The following TNFAIP8 variants were observed in gnomAD, a reference collection of about 807,000 sequenced individuals.
The protein encoded by TNFAIP8 is TNF alpha induced protein 8.
Under a neutral mutation model 13.3 loss-of-function variants are expected in TNFAIP8, and 7 were observed. The ratio of observed to expected loss-of-function variants is 0.52; its 90% CI spans 0.30 to 0.99. The LOEUF is 0.99. TNFAIP8 is among the 50% of genes least tolerant of loss of function. The pLI, the probability that TNFAIP8 is intolerant of heterozygous loss-of-function variation, is 0.07. For synonymous variants in TNFAIP8, 94 were observed against 87.6 expected (o/e 1.07, Z -0.41); for missense variants, 258 against 236.9 (o/e 1.09, Z -0.58).
intron 1 of TNFAIP8, among the ~76,000 whole-genome samples, chr5:119,344,612 T>A (rs1750841254): frequency 1.3e-5 from 2 of 152,192 alleles, no homozygotes; most frequent in Non-Finnish European, 2.9e-5. Context: ...TCAGTGAGCA[T>A]TTGAATTTTC....
At chr5:119,270,871 A>G (rs1000253649) in intron 1 of TNFAIP8, among the ~76,000 whole-genome samples, 4 of 152,232 alleles carry the variant, frequency 2.6e-5, no homozygotes, top group Non-Finnish European at 5.9e-5. Flanking sequence ...GGTTCTACCA[A>G]AAGCATAGTG....
At chr5:119,367,750 G>A (rs947400989) in intron 1 of TNFAIP8, among the ~76,000 whole-genome samples, 1 of 152,108 alleles carries the variant, frequency 6.6e-6, no homozygotes, top group African/African-American at 2.4e-5. Context: ...AAAATAAAGC[G>A]GGGATTTCTG....
At chr5:119,286,565 A>C (rs898306364) in intron 1 of TNFAIP8, among the ~76,000 whole-genome samples, 3 of 151,296 alleles carry the variant, frequency 2.0e-5, no homozygotes, top group African/African-American at 7.3e-5. Context: ...GAGCTTGCAG[A>C]GAGCCAAGAA....
chr5:119,393,323 C>T lies in TNFAIP8; in HGVS notation c.539C>T (p.Pro180Leu). Residue 180 changes from proline to leucine, a missense_variant, in exon 2 of 2, where the codon CCC becomes CTC. Coordinates refer to ENST00000504771, the MANE Select transcript of TNFAIP8 (RefSeq NM_014350.4). ...TATAATCCTTTTGGGAATTTTAAACCCCACTTACAAAAACTATGTGATGGT... is the reference window on the plus strand; with the variant it reads ...TATAATCCTTTTGGGAATTTTAAACTCCACTTACAAAAACTATGTGATGGT... Reference protein sequence around the residue: ...ALYNPFGNFKPHLQKLCDGIN... With the variant: ...ALYNPFGNFKLHLQKLCDGIN... 1 of 1,613,776 alleles carries T rather than the reference C, an allele frequency of 6.2e-7. No homozygotes were observed. Among genetic ancestry groups the T allele is most frequent in the Non-Finnish European group, 8.5e-7 (1 of 1,179,840 alleles).
chr5:119,349,659 T>TA (rs1211417018), intron 1 of TNFAIP8, among the ~76,000 whole-genome samples: 4 of 152,012 alleles, frequency 2.6e-5, no homozygotes, highest in African/African-American at 7.2e-5. Flanking sequence ...ACTTTTGATT[T>TA]AAAAAAAAGA....
intron 1 of TNFAIP8, among the ~76,000 whole-genome samples, chr5:119,349,650 C>A (rs143210067): frequency 1.6e-3 from 241 of 152,242 alleles, no homozygotes; most frequent in African/African-American, 5.4e-3. Context: ...CCTTACTGAA[C>A]TTTTGATTTA....
chr5:119,268,988 G>C (rs1432444721), intron 1 of TNFAIP8: 2 of 634,582 alleles, frequency 3.2e-6, no homozygotes, highest in African/African-American at 3.8e-5. Context: ...TGCTCTCGGG[G>C]AGCGCCTCCG....
intron 1 of TNFAIP8, among the ~76,000 whole-genome samples, chr5:119,375,146 AATTGCT>A (rs1261279538): frequency 1.3e-5 from 2 of 152,176 alleles, no homozygotes; most frequent in Admixed American, 6.5e-5. Flanking sequence ...CAAATGGAGG[AATTGCT>A]ATTTGCTGCT....
chr5:119,355,747 G>A (rs935976199), upstream of TNFAIP8: 6 of 256,714 alleles, frequency 2.3e-5, no homozygotes, highest in Non-Finnish European at 4.2e-5. Flanking sequence ...TCTCGGCCCT[G>A]TGTCTCGGGA....
At chr5:119,387,200 G>C (rs146949755) in intron 1 of TNFAIP8, among the ~76,000 whole-genome samples, 29 of 152,218 alleles carry the variant, frequency 1.9e-4, no homozygotes, top group Non-Finnish European at 1.5e-4. Flanking sequence ...AGGGTTCGTT[G>C]TTTGTTCTGG....
intron 1 of TNFAIP8, among the ~76,000 whole-genome samples, chr5:119,387,104 A>G (rs1235755883): frequency 6.6e-6 from 1 of 151,786 alleles, no homozygotes; most frequent in Non-Finnish European, 1.5e-5. Flanking sequence ...ATCACTAGCT[A>G]CTCCGAGCGT....
chr5:119,314,906 T>G (rs1749839130), intron 1 of TNFAIP8, among the ~76,000 whole-genome samples: 1 of 152,056 alleles, frequency 6.6e-6, no homozygotes, highest in Non-Finnish European at 1.5e-5. Context: ...TTATTTTTTT[T>G]CATTATTTTC....
chr5:119,341,657 C>G (rs1256252677), intron 1 of TNFAIP8, among the ~76,000 whole-genome samples: 1 of 152,056 alleles, frequency 6.6e-6, no homozygotes, highest in Non-Finnish European at 1.5e-5. Context: ...AAATTTTCAC[C>G]CACAGATTGG....
intron 1 of TNFAIP8, among the ~76,000 whole-genome samples, chr5:119,383,593 T>C (rs1456776652): frequency 6.6e-6 from 1 of 152,228 alleles, no homozygotes. Context: ...CACTCAAAAG[T>C]TGCATTTCTT....
chr5:119,384,223 G>A lies in TNFAIP8; in HGVS notation c.32-8593G>A, dbSNP rs189765419. Among the ~76,000 whole-genome samples, 74 of 152,270 alleles carry A rather than the reference G, an allele frequency of 4.9e-4. 1 individual carries two copies. In the East Asian group the frequency reaches 0.014, roughly 28 times the overall value. On this transcript the variant is annotated intron_variant, in intron 1 of 1. Transcript: ENST00000504771. ...AACGTGGCCCGGCACGGTGGCTCAC[G>A]CCTGTAATCCTAGCACTTTGGGAGA...
At chr5:119,298,443 C>T (rs574339194) in intron 1 of TNFAIP8, among the ~76,000 whole-genome samples, 30 of 151,964 alleles carry the variant, frequency 2.0e-4, no homozygotes, top group South Asian at 2.1e-4. Flanking sequence ...CCCCCACTCT[C>T]TTCTGGCTTG....
Position 119,393,399 on chromosome 5 carries a change from G to A in TNFAIP8, c.*18G>A. ...ACATATGAGCACATGAGTTAAGATTGTGACTGATCATGATTTATTTGAAGA... is the reference window on the plus strand; with the variant it reads ...ACATATGAGCACATGAGTTAAGATTATGACTGATCATGATTTATTTGAAGA... On this transcript the variant is annotated 3_prime_UTR_variant, in exon 2 of 2. Coordinates refer to ENST00000504771, the MANE Select transcript of TNFAIP8 (RefSeq NM_014350.4). 1 of 1,591,422 alleles carries A rather than the reference G, an allele frequency of 6.3e-7. No individual in the cohort carries two copies. Among genetic ancestry groups the A allele is most frequent in the Non-Finnish European group, 8.6e-7 (1 of 1,165,094 alleles).
Position 119,393,384 on chromosome 5 carries a change from A to G in TNFAIP8, c.*3A>G. On this transcript the variant is annotated 3_prime_UTR_variant, in exon 2 of 2. Transcript: ENST00000504771. ...TGTTGGATGAAGAGAACATATGAGC[A>G]CATGAGTTAAGATTGTGACTGATCA... is the stretch of plus-strand genomic sequence containing the variant. 1 of 1,608,402 alleles carries G rather than the reference A, an allele frequency of 6.2e-7. No individual in the cohort carries two copies. Among genetic ancestry groups the G allele is most frequent in the Non-Finnish European group, 8.5e-7 (1 of 1,176,270 alleles).
At chr5:119,270,310 CAT>C (rs1561976111) in intron 1 of TNFAIP8, among the ~76,000 whole-genome samples, 1 of 152,254 alleles carries the variant, frequency 6.6e-6, no homozygotes. Context: ...GCAGTGTAAA[CAT>C]ATGACTCCAT....
Sources: gnomAD v4.1 joint callset for allele counts (sites outside exome capture counted in the v4.1 genomes callset) on GRCh38, gnomAD v4.1.1 for gene constraint, MANE v1.5 for transcripts, NCBI Gene and HGNC (gene_info 2026-07-23, HGNC 2026-07-21) for gene names.